Variants in SNRPC observed in about 807,000 individuals in gnomAD.
SNRPC encodes the protein small nuclear ribonucleoprotein polypeptide C, also known as U1 small nuclear ribonucleoprotein C.
A neutral mutation model predicts 20.0 loss-of-function variants in SNRPC; 5 were observed. The ratio of observed to expected loss-of-function variants is 0.25; its 90% CI spans 0.13 to 0.53. The LOEUF (loss-of-function observed/expected upper bound fraction) is 0.53, where lower values mean the gene tolerates loss of function less well. SNRPC is among the 20% of genes least tolerant of loss of function. SNRPC has a pLI of 0.96. For missense variants in SNRPC, 112 were observed against 224.1 expected (o/e 0.50, Z 3.19); for synonymous variants, 61 against 58.7 (o/e 1.04, Z -0.18).
rs370810693 is a variant in SNRPC, at chr6:34,768,006, A to G, written c.250+9A>G. 12 of 1,608,058 alleles carry G rather than the reference A, an allele frequency of 7.5e-6. No homozygotes were observed. Among genetic ancestry groups the G allele is most frequent in the African/African-American group, 2.7e-5 (2 of 74,178 alleles). On this transcript the variant is annotated intron_variant, in intron 4 of 5. Transcript: ENST00000244520. ...ACCTCCCCCCAGCCTTCGTAAGTTTAAACTTTTAATCTTAAGGGGTGTGAC... is the reference window on the plus strand; with the variant it reads ...ACCTCCCCCCAGCCTTCGTAAGTTTGAACTTTTAATCTTAAGGGGTGTGAC...
intron 5 of SNRPC, among the ~76,000 whole-genome samples, chr6:34,772,114 G>A (rs1245837026): frequency 6.6e-6 from 1 of 152,144 alleles, no homozygotes; most frequent in Admixed American, 6.5e-5. Context: ...GGGTGGACGG[G>A]GATAGGAATG....
At chr6:34,768,987 C>T (rs1764652018) in intron 4 of SNRPC, among the ~76,000 whole-genome samples, 1 of 152,034 alleles carries the variant, frequency 6.6e-6, no homozygotes, top group Admixed American at 6.6e-5. Context: ...GGTATAAACC[C>T]AGGGAAGTAG....
intron 2 of SNRPC, among the ~76,000 whole-genome samples, chr6:34,758,355 G>T (rs531575046): frequency 1.3e-5 from 2 of 151,652 alleles, no homozygotes; most frequent in South Asian, 2.1e-4. Flanking sequence ...CGCTCTTGTT[G>T]CCCTGGCTGG....
At chr6:34,768,692 C>T (rs1480058567) in intron 4 of SNRPC, among the ~76,000 whole-genome samples, 1 of 146,868 alleles carries the variant, frequency 6.8e-6, no homozygotes, top group Non-Finnish European at 1.5e-5. Flanking sequence ...GTGGGGGTTG[C>T]AGTGAGCTGA....
chr6:34,768,886 T>C (rs1028233308), intron 4 of SNRPC, among the ~76,000 whole-genome samples: 1 of 150,472 alleles, frequency 6.6e-6, no homozygotes. Flanking sequence ...GACTGAGTGC[T>C]GTACTGGGTC....
intron 2 of SNRPC, among the ~76,000 whole-genome samples, chr6:34,758,472 C>A (rs555682849): frequency 3.3e-5 from 5 of 152,080 alleles, no homozygotes; most frequent in Non-Finnish European, 7.4e-5. Flanking sequence ...TGGGCCACCA[C>A]GCCCGGCTAA....
chr6:34,771,963 G>C (rs1252517260), intron 5 of SNRPC, among the ~76,000 whole-genome samples: 1 of 152,204 alleles, frequency 6.6e-6, no homozygotes, highest in African/African-American at 2.4e-5. Context: ...CTAGAACTCA[G>C]CTTCAGCCTA....
At chr6:34,770,943 A>C (rs1764682307) in intron 5 of SNRPC, among the ~76,000 whole-genome samples, 1 of 152,206 alleles carries the variant, frequency 6.6e-6, no homozygotes, top group Admixed American at 6.5e-5. Context: ...GAGGCGTAAA[A>C]AACTTACACT....
chr6:34,758,851 A>G (rs549905744), intron 2 of SNRPC, among the ~76,000 whole-genome samples: 100 of 151,956 alleles, frequency 6.6e-4, no homozygotes, highest in African/African-American at 2.3e-3. Context: ...CGTCTCTACT[A>G]AAAATACAAA....
chr6:34,759,621 C>G (rs1347403200), intron 2 of SNRPC, among the ~76,000 whole-genome samples: 1 of 152,118 alleles, frequency 6.6e-6, no homozygotes, highest in Non-Finnish European at 1.5e-5. Context: ...TGAGTACATA[C>G]GTTGAAGAAT....
At chr6:34,757,745 A>G in intron 1 of SNRPC, 167 bp from the exon 2 acceptor site, 1 of 1,540,432 alleles carries the variant, frequency 6.5e-7, no homozygotes, top group Admixed American at 2.1e-5. Flanking sequence ...TAAGGCAACA[A>G]AAAAAAGCCT....
intron 5 of SNRPC, among the ~76,000 whole-genome samples, chr6:34,772,183 A>T (rs985451072): frequency 2.0e-5 from 3 of 152,188 alleles, no homozygotes; most frequent in African/African-American, 7.2e-5. Flanking sequence ...TGGATGATGG[A>T]TACATGGATG....
At chr6:34,761,369 A>T (rs1764533206) in intron 2 of SNRPC, among the ~76,000 whole-genome samples, 1 of 151,976 alleles carries the variant, frequency 6.6e-6, no homozygotes. Flanking sequence ...AACTCCTGAC[A>T]TCAGGTGATC....
At chr6:34,764,848 C>T (rs1369700343) in intron 3 of SNRPC, among the ~76,000 whole-genome samples, 2 of 151,542 alleles carry the variant, frequency 1.3e-5, no homozygotes, top group Non-Finnish European at 1.5e-5. Context: ...ATCGAGAAAC[C>T]GTGTCTCTAG....
intron 3 of SNRPC, among the ~76,000 whole-genome samples, chr6:34,764,477 A>G (rs1326947423): frequency 6.9e-6 from 1 of 145,866 alleles, no homozygotes; most frequent in Non-Finnish European, 1.5e-5. Flanking sequence ...ACTCCGTCTC[A>G]AAAACAAACA....
intron 3 of SNRPC, among the ~76,000 whole-genome samples, chr6:34,763,754 G>C (rs1271198887): frequency 6.7e-6 from 1 of 149,872 alleles, no homozygotes; most frequent in Non-Finnish European, 1.5e-5. Flanking sequence ...GTCTCACTCT[G>C]TCGCCAGGCT....
chr6:34,768,612 C>T (rs1490185499), intron 4 of SNRPC, among the ~76,000 whole-genome samples: 1 of 151,914 alleles, frequency 6.6e-6, no homozygotes, highest in Non-Finnish European at 1.5e-5. Flanking sequence ...GTTAGCCAGG[C>T]ATGGTGGTGC....
At chr6:34,765,943 G>T (rs1764608022) in intron 3 of SNRPC, among the ~76,000 whole-genome samples, 3 of 151,714 alleles carry the variant, frequency 2.0e-5, no homozygotes, top group Admixed American at 2.0e-4. Flanking sequence ...GTCTCACTTT[G>T]TTGCCCAGGC....
intron 2 of SNRPC, among the ~76,000 whole-genome samples, chr6:34,758,282 A>G (rs1276641975): frequency 6.6e-6 from 1 of 152,206 alleles, no homozygotes; most frequent in Non-Finnish European, 1.5e-5. Context: ...CTGCTTGTCA[A>G]ATAATAACAA....
Sources: gnomAD v4.1 joint callset for allele counts (sites outside exome capture counted in the v4.1 genomes callset) on GRCh38, gnomAD v4.1.1 for gene constraint, MANE v1.5 for transcripts, NCBI Gene and HGNC (gene_info 2026-07-23, HGNC 2026-07-21) for gene names.